The following NALCN variants were observed in gnomAD, a reference collection of about 807,000 sequenced individuals.
The protein encoded by NALCN is sodium leak channel NALCN.
NALCN carries 111 observed loss-of-function variants against 225.3 expected under a neutral mutation model. The ratio of observed to expected loss-of-function variants is 0.49; its 90% CI spans 0.42 to 0.58. The LOEUF (loss-of-function observed/expected upper bound fraction) is 0.58. Among genes scored for constraint, NALCN ranks in the 20% least tolerant of loss-of-function variants. NALCN has a pLI of 0.00. For missense variants in NALCN, 1,378 were observed against 2,202.4 expected, an observed-to-expected ratio of 0.63 and a Z score of 7.49; for synonymous variants, 764 against 769.0, an observed-to-expected ratio of 0.99 and a Z score of 0.11.
chr13:101,174,841 T>C (rs1273947989), intron 15 of NALCN, among the ~76,000 whole-genome samples: 3 of 152,190 alleles, frequency 2.0e-5, no homozygotes, highest in African/African-American at 4.8e-5. Context: ...ACATACTGTC[T>C]CAGAGGATAG....
chr13:101,055,787 A>G (rs2031161817), intron 43 of NALCN, among the ~76,000 whole-genome samples: 1 of 152,174 alleles, frequency 6.6e-6, no homozygotes, highest in Non-Finnish European at 1.5e-5. Flanking sequence ...TTCGGGAACT[A>G]TTAAGTGTCA....
chr13:101,230,290 G>C (rs1262619839), intron 12 of NALCN, among the ~76,000 whole-genome samples: 1 of 152,072 alleles, frequency 6.6e-6, no homozygotes, highest in Non-Finnish European at 1.5e-5. Flanking sequence ...TATTTTCCTA[G>C]GTATTATTAG....
intron 18 of NALCN, among the ~76,000 whole-genome samples, chr13:101,116,080 T>C (rs1431620141): frequency 6.6e-6 from 1 of 152,136 alleles, no homozygotes; most frequent in Non-Finnish European, 1.5e-5. Context: ...CTTTTCCCAG[T>C]TGGGGTTAAT....
intron 13 of NALCN, among the ~76,000 whole-genome samples, chr13:101,197,934 G>A (rs545594558): frequency 5.9e-5 from 9 of 152,156 alleles, no homozygotes; most frequent in African/African-American, 9.6e-5. Context: ...GAATTTAAGT[G>A]GAAAAGAAAA....
chr13:101,324,381 A>C lies in NALCN; in HGVS notation c.799+20885T>G, dbSNP rs116226310. 5.6e-3 allele frequency among the ~76,000 whole-genome samples: 860 copies of C among 152,334 alleles called. 5 individuals carry two copies. The highest frequency in any genetic ancestry group is 0.02 in the African/African-American group (820 of 41,576). On this transcript the variant is annotated intron_variant, in intron 7 of 43. Coordinates refer to ENST00000251127, the MANE Select transcript of NALCN (RefSeq NM_052867.4). ...ACTTTGTAACACCAGAATTTAAAAT[A>C]TTTTATCAGATTACACAATAAATAT... is the stretch of plus-strand genomic sequence containing the variant.
chr13:101,233,785 C>T (rs74120429), intron 12 of NALCN, among the ~76,000 whole-genome samples: 2,594 of 152,144 alleles, frequency 0.017, 85 homozygotes, highest in African/African-American at 0.06. Flanking sequence ...GCAAGATGCC[C>T]GACCCACAGG....
At chr13:101,203,512 C>T (rs770421199) in intron 13 of NALCN, among the ~76,000 whole-genome samples, 15 of 152,156 alleles carry the variant, frequency 9.9e-5, no homozygotes, top group Admixed American at 4.6e-4. Flanking sequence ...CCACTGTGCC[C>T]GGCCCAGAAT....
rs1395972038 is a variant in NALCN, at chr13:101,104,993, AT to A, written c.2580-44del. ...TATAAAATTCTGCAACAAAGCAAGC[AT>A]GTTTTAACTTGCTAAAAATCATATT... On this transcript the variant is annotated intron_variant, in intron 22 of 43. Transcript: ENST00000251127. The surrounding 1 kb of genome is among the most constrained non-coding windows in gnomAD (Gnocchi z 4.2). 1.2e-5 allele frequency: 18 copies of A among 1,559,734 alleles called. No homozygotes were observed. Among genetic ancestry groups the A allele is most frequent in the Non-Finnish European group, 1.6e-5 (18 of 1,133,304 alleles).
intron 35 of NALCN, 21 bp from the exon 36 acceptor site, chr13:101,074,683 G>A: frequency 6.3e-7 from 1 of 1,590,606 alleles, no homozygotes. Flanking sequence ...GGGGTGGGAA[G>A]CGGGGAGACA....
intron 30 of NALCN, among the ~76,000 whole-genome samples, chr13:101,085,823 T>C (rs2033902854): frequency 6.6e-6 from 1 of 152,182 alleles, no homozygotes. Context: ...GGAATTCATT[T>C]TTGAGTATGC....
intron 13 of NALCN, among the ~76,000 whole-genome samples, chr13:101,224,727 C>G (rs976363841): frequency 6.6e-6 from 1 of 152,108 alleles, no homozygotes; most frequent in Admixed American, 6.5e-5. Context: ...CAGGGCCAAT[C>G]GGGCCAACAA....
chr13:101,133,442 G>A (rs971173728), intron 17 of NALCN, among the ~76,000 whole-genome samples: 3 of 152,114 alleles, frequency 2.0e-5, no homozygotes, highest in Non-Finnish European at 4.4e-5. Context: ...CAATGAATAT[G>A]GCTTGATGAA....
intron 13 of NALCN, among the ~76,000 whole-genome samples, chr13:101,228,209 A>G (rs1364117579): frequency 6.6e-6 from 1 of 152,244 alleles, no homozygotes; most frequent in Admixed American, 6.5e-5. Flanking sequence ...ATGAATTCCA[A>G]CACTGGTAGC....
intron 1 of NALCN, among the ~76,000 whole-genome samples, chr13:101,405,305 A>G (rs57566073): frequency 6.6e-6 from 1 of 152,182 alleles, no homozygotes; most frequent in Non-Finnish European, 1.5e-5. Flanking sequence ...ATTCAGAGCA[A>G]ATGAATGTAG....
chr13:101,384,473 G>A lies in NALCN; in HGVS notation c.292-5820C>T, dbSNP rs566313836. Reference sequence around the variant, plus strand: ...CAGAAAAAGGAAACACATTTATAGGGATATATTTTGCAGTGACAAAATGAT... The same window carrying A: ...CAGAAAAAGGAAACACATTTATAGGAATATATTTTGCAGTGACAAAATGAT... On this transcript the variant is annotated intron_variant, in intron 3 of 43. Coordinates refer to ENST00000251127, the MANE Select transcript of NALCN (RefSeq NM_052867.4). 6.6e-5 allele frequency among the ~76,000 whole-genome samples: 10 copies of A among 152,134 alleles called. No homozygotes were observed. The South Asian group carries it at 8.3e-4, about 13-fold the overall frequency.
At chr13:101,163,539 A>G (rs2038290209) in intron 15 of NALCN, among the ~76,000 whole-genome samples, 1 of 152,136 alleles carries the variant, frequency 6.6e-6, no homozygotes, top group African/African-American at 2.4e-5. Flanking sequence ...AAATTTTACT[A>G]TGATGGGGTT....
intron 34 of NALCN, among the ~76,000 whole-genome samples, chr13:101,080,507 G>C (rs1028184189): frequency 2.1e-5 from 3 of 141,804 alleles, no homozygotes; most frequent in Non-Finnish European, 4.6e-5. Flanking sequence ...AATTACATAA[G>C]TATAATTACA....
intron 11 of NALCN, among the ~76,000 whole-genome samples, chr13:101,246,427 C>G (rs2041899917): frequency 1.3e-5 from 2 of 152,160 alleles, no homozygotes; most frequent in African/African-American, 4.8e-5. Flanking sequence ...ATCCCATTCT[C>G]TTACATGAAA....
At chr13:101,308,200 T>C (rs1408835295) in intron 7 of NALCN, among the ~76,000 whole-genome samples, 1 of 152,248 alleles carries the variant, frequency 6.6e-6, no homozygotes, top group Non-Finnish European at 1.5e-5. Context: ...CTGTAGTAGA[T>C]ATTGCTGCTT....
Sources: gnomAD v4.1 joint callset for allele counts (sites outside exome capture counted in the v4.1 genomes callset) on GRCh38, gnomAD v4.1.1 for gene constraint, Gnocchi (gnomAD v3.1) non-coding constraint, MANE v1.5 for transcripts, NCBI Gene and HGNC (gene_info 2026-07-23, HGNC 2026-07-21) for gene names.